Variants in SEC24B observed in about 807,000 individuals in gnomAD.
SEC24B encodes the protein protein transport protein Sec24B.
A neutral mutation model predicts 142.8 loss-of-function variants in SEC24B; 45 were observed. That is an observed-to-expected ratio of 0.32 (90% CI 0.25 to 0.40). The LOEUF is 0.40. Among genes scored for constraint, SEC24B ranks in the 10% least tolerant of loss-of-function variants. SEC24B has a pLI of 1.00. For missense variants in SEC24B, 1,409 were observed against 1,526.8 expected (o/e 0.92, Z 1.29); for synonymous variants, 574 against 568.2 (o/e 1.01, Z -0.15).
In SEC24B at chr4:109,521,625, A is replaced by G; in HGVS notation, c.2507A>G (p.Lys836Arg). 2.5e-6 allele frequency: 4 copies of G among 1,602,980 alleles called. No homozygotes were observed. The highest frequency in any genetic ancestry group is 3.4e-6 in the Non-Finnish European group (4 of 1,171,644). Reference protein sequence around the residue: ...REDPNQRSSTKVVQHLGPATD... With the variant: ...REDPNQRSSTRVVQHLGPATD... ...GATCCTAATCAGAGATCAAGTACAA[A>G]GGTATTTTATGTTTAGTTTTTTGTC... Residue 836 changes from lysine (K) to arginine (R), a missense_variant and splice_region_variant, in exon 14 of 24, where the codon AAG becomes AGG. By Grantham distance (26) the Lys-to-Arg change is conservative. Coordinates refer to ENST00000265175, the MANE Select transcript of SEC24B (RefSeq NM_006323.5).
At position 109,463,207 on chromosome 4, in the gene SEC24B, G is replaced by A. The variant is rs1022099648; in HGVS notation, c.440G>A (p.Ser147Asn). 30 of 1,614,024 alleles carry A rather than the reference G, an allele frequency of 1.9e-5. No individual in the cohort carries two copies. The highest frequency in any genetic ancestry group is 4.0e-5 in the African/African-American group (3 of 74,922). Residue 147 changes from serine to asparagine, a missense_variant, in exon 2 of 24, where the codon AGT (serine) becomes AAT (asparagine). Around this residue, in one of 2 missense-constraint regions of SEC24B, gnomAD observed 709 missense variants for 673.5 expected, o/e 1.05. Coordinates refer to ENST00000265175, the MANE Select transcript of SEC24B (RefSeq NM_006323.5). ...AASSASHLHTSASQPYSSFVN... is the reference protein window; with the variant it reads ...AASSASHLHTNASQPYSSFVN... ...TCGTCAGCATCCCATTTGCATACGA[G>A]TGCCTCCCAACCATACTCCTCTTTT...
intron 1 of SEC24B, among the ~76,000 whole-genome samples, chr4:109,435,550 A>C (rs1377321667): frequency 6.6e-6 from 1 of 152,200 alleles, no homozygotes. Context: ...ACAGTTTTTA[A>C]AGTGGCAAAT....
chr4:109,490,674 CATCTT>C (rs774800379), intron 4 of SEC24B, among the ~76,000 whole-genome samples: 2 of 152,114 alleles, frequency 1.3e-5, no homozygotes, highest in East Asian at 1.9e-4. Flanking sequence ...ACTGAACTCT[CATCTT>C]AACAGGTTTT....
rs372572404 is a variant in SEC24B at position 109,539,544 on chromosome 4, C to T, written c.3693-17C>T. On this transcript the variant is annotated splice_polypyrimidine_tract_variant and intron_variant, in intron 23 of 23. Coordinates refer to ENST00000265175, the MANE Select transcript of SEC24B (RefSeq NM_006323.5). The stretch of plus-strand genomic sequence containing the variant: ...CTTTTAAATACGTTTAGACAAATGC[C>T]CTTTTCTTTCTTCCAGAGATGAGAG... The T allele has an allele frequency of 1.3e-4, 195 of 1,513,352 alleles. No individual in the cohort carries two copies. Among genetic ancestry groups the T allele is most frequent in the Non-Finnish European group, 9.6e-5 (105 of 1,088,756 alleles). 93.7% of individuals were successfully genotyped at this position (1,513,352 alleles called of 1,614,324 possible). A position where few individuals can be genotyped will look rare whatever the true frequency, so the allele number is the denominator to read the frequency against.
chr4:109,531,347 T>C, intron 19 of SEC24B, 38 bp from the exon 20 acceptor site: 2 of 1,551,888 alleles, frequency 1.3e-6, no homozygotes, highest in East Asian at 2.3e-5. Context: ...CCACCATATT[T>C]GTATTTTACT....
At chr4:109,448,424 T>C (rs1729687153) in intron 1 of SEC24B, among the ~76,000 whole-genome samples, 1 of 152,190 alleles carries the variant, frequency 6.6e-6, no homozygotes, top group Non-Finnish European at 1.5e-5. Flanking sequence ...TTGCAATAAT[T>C]TTAGACTTAC....
Position 109,527,372 on chromosome 4 carries a change from C to T in SEC24B, c.3016C>T (p.Leu1006=). The T allele has an allele frequency of 6.2e-7, 1 of 1,613,740 alleles. No individual in the cohort carries two copies. The highest frequency in any genetic ancestry group is 8.5e-7 in the Non-Finnish European group (1 of 1,179,808). Residue 1006 remains leucine, a synonymous_variant, in exon 18 of 24, where the codon CTA becomes TTA. Coordinates refer to ENST00000265175, the MANE Select transcript of SEC24B (RefSeq NM_006323.5). Reference sequence around the variant, plus strand: ...ACTTTGTTTGCCAGTGGTAAGTTCACTAGCAGATGTATATGCGGGAGTGGA... The same window carrying T: ...ACTTTGTTTGCCAGTGGTAAGTTCATTAGCAGATGTATATGCGGGAGTGGA... The part of the protein sequence containing the change: ...HTLCLPVVSS[L]ADVYAGVDVQ...
chr4:109,436,453 A>G (rs1728418083), intron 1 of SEC24B, among the ~76,000 whole-genome samples: 1 of 152,184 alleles, frequency 6.6e-6, no homozygotes, highest in Non-Finnish European at 1.5e-5. Flanking sequence ...AACAGACAGA[A>G]TTGTAAAACT....
At position 109,473,071 on chromosome 4, in the gene SEC24B, C is replaced by A. The variant is rs370220461; in HGVS notation, c.945C>A (p.Ser315=). The change falls in exon 3 of 24, where the codon TCC becomes TCA. Residue 315 remains serine, a synonymous_variant. Coordinates refer to ENST00000265175, the MANE Select transcript of SEC24B (RefSeq NM_006323.5). ...VQPPKSSPVV[S]TVLSGSSGSS... ...CTCCCAAGTCCAGCCCAGTGGTATC[C>A]ACTGTTTTATCAGGATCCTCAGGAT... 5 of 1,604,900 alleles carry A rather than the reference C, an allele frequency of 3.1e-6. No individual in the cohort carries two copies. The African/African-American group carries it at 5.4e-5, about 17-fold the overall frequency.
Position 109,463,417 on chromosome 4 carries a change from C to G in SEC24B, c.650C>G (p.Pro217Arg). 1 of 1,614,142 alleles carries G rather than the reference C, an allele frequency of 6.2e-7. No homozygotes were observed. Among genetic ancestry groups the G allele is most frequent in the Non-Finnish European group, 8.5e-7 (1 of 1,180,020 alleles). ...YGQMFTSQNAPTVRPVKDNSF... is the reference protein window; with the variant it reads ...YGQMFTSQNARTVRPVKDNSF... ...CAAATGTTTACCTCACAGAATGCTC[C>G]GACTGTTAGGCCAGTTAAAGATAAT... The change falls in exon 2 of 24, where the codon CCG becomes CGG. Residue 217 changes from proline (P) to arginine (R), a missense_variant. This residue lies in a region of SEC24B where 709 missense variants were observed against 673.5 expected (regional missense o/e 1.05). Transcript: ENST00000265175.
intron 1 of SEC24B, among the ~76,000 whole-genome samples, chr4:109,437,049 G>GC (rs1440812559): frequency 6.6e-6 from 1 of 152,168 alleles, no homozygotes. Flanking sequence ...AGTACAGATG[G>GC]CAACCTGCTA....
intron 7 of SEC24B, among the ~76,000 whole-genome samples, chr4:109,509,678 GAAAAAAA>G (rs1020221678): frequency 1.5e-4 from 7 of 46,406 alleles, no homozygotes; most frequent in East Asian, 1.3e-3. Context: ...CTCCATCTCA[GAAAAAAA>G]AAAAAAAAAA....
intron 1 of SEC24B, among the ~76,000 whole-genome samples, chr4:109,449,160 G>A (rs1729790485): frequency 6.6e-6 from 1 of 152,254 alleles, no homozygotes; most frequent in East Asian, 1.9e-4. Flanking sequence ...TTGGGCACTT[G>A]GTTAAGAGGG....
intron 4 of SEC24B, among the ~76,000 whole-genome samples, chr4:109,483,609 T>C (rs1479161107): frequency 6.6e-6 from 1 of 152,202 alleles, no homozygotes; most frequent in African/African-American, 2.4e-5. Context: ...ACCACAATTC[T>C]CCTGTTCTAA....
chr4:109,451,000 G>A (rs1730024767), intron 1 of SEC24B: 1 of 151,948 alleles, frequency 6.6e-6, no homozygotes, highest in South Asian at 2.1e-4. Context: ...AGAACTCATG[G>A]GCTTAAGGGA....
chr4:109,449,458 C>G (rs1425684587), intron 1 of SEC24B: 1 of 452,850 alleles, frequency 2.2e-6, no homozygotes, highest in Non-Finnish European at 4.4e-6. Context: ...TCTTGAACTC[C>G]TGGACCCAAG....
intron 14 of SEC24B, among the ~76,000 whole-genome samples, chr4:109,524,267 AT>A (rs1393389745): frequency 6.6e-6 from 1 of 152,144 alleles, no homozygotes; most frequent in African/African-American, 2.4e-5. Flanking sequence ...CTCTAATATA[AT>A]CATCATACAG....
chr4:109,466,702 A>ATG (rs1553997692), intron 2 of SEC24B, among the ~76,000 whole-genome samples: 1 of 152,108 alleles, frequency 6.6e-6, no homozygotes, highest in Non-Finnish European at 1.5e-5. Context: ...GAGCCACTGC[A>ATG]CCCGGCCAAT....
chr4:109,486,796 A>C (rs1472982326), intron 4 of SEC24B, among the ~76,000 whole-genome samples: 1 of 152,234 alleles, frequency 6.6e-6, no homozygotes, highest in Non-Finnish European at 1.5e-5. Flanking sequence ...CCAAAGATCA[A>C]TATATTAGCA....
Sources: gnomAD v4.1 joint callset for allele counts (sites outside exome capture counted in the v4.1 genomes callset) on GRCh38, gnomAD v4.1.1 for gene constraint, gnomAD v4.1.1 regional missense constraint, MANE v1.5 for transcripts, NCBI Gene and HGNC (gene_info 2026-07-23, HGNC 2026-07-21) for gene names.